HIBCH: variants seen among roughly 807,000 people sequenced by gnomAD.
HIBCH encodes the protein 3-hydroxyisobutyryl-CoA hydrolase.
In HIBCH, 50 loss-of-function variants were observed where a neutral mutation model predicts 58.2. The ratio of observed to expected loss-of-function variants is 0.86; its 90% confidence interval spans 0.68 to 1.09. The LOEUF (loss-of-function observed/expected upper bound fraction) is 1.09, where lower values mean the gene tolerates loss of function less well. Among genes scored for constraint, HIBCH ranks in the 50% least tolerant of loss-of-function variants. HIBCH has a pLI of 0.00. For missense variants in HIBCH, 450 were observed against 449.7 expected (o/e 1.00, Z -0.01); for synonymous variants, 151 against 146.9 (o/e 1.03, Z -0.20).
chr2:190,239,244 T>C (rs760353553), intron 11 of HIBCH, among the ~76,000 whole-genome samples: 1 of 152,230 alleles, frequency 6.6e-6, no homozygotes, highest in South Asian at 2.1e-4. Flanking sequence ...TGATTGTTTT[T>C]GTCAGGTTTG....
In HIBCH at chr2:190,284,727, C is replaced by T. The variant is rs368826258; in HGVS notation, c.438+2859G>A. Among the ~76,000 whole-genome samples the T allele has an allele frequency of 9.9e-5, 15 of 152,202 alleles. No homozygotes were observed. The East Asian group carries it at 1.2e-3, about 12-fold the overall frequency. ...CTAATCACCCCATTTACCTTGATTC[C>T]TTGGCCTGACTACTCACAGTTAGCT... is the stretch of plus-strand genomic sequence containing the variant. On this transcript the variant is annotated intron_variant, in intron 6 of 13. Coordinates refer to ENST00000359678, the MANE Select transcript of HIBCH (RefSeq NM_014362.4).
intron 6 of HIBCH, among the ~76,000 whole-genome samples, chr2:190,271,181 A>G (rs1033669770): frequency 6.6e-6 from 1 of 151,050 alleles, no homozygotes; most frequent in Admixed American, 6.6e-5. Flanking sequence ...TTCTTGCTCC[A>G]CTTTATCCAT....
intron 6 of HIBCH, among the ~76,000 whole-genome samples, chr2:190,272,469 T>C (rs185781716): frequency 6.6e-6 from 1 of 152,238 alleles, no homozygotes; most frequent in East Asian, 1.9e-4. Flanking sequence ...CACGCCTCAA[T>C]AAGAAACAGA....
intron 11 of HIBCH, among the ~76,000 whole-genome samples, chr2:190,228,941 C>T (rs901495364): frequency 1.3e-5 from 2 of 152,116 alleles, no homozygotes; most frequent in African/African-American, 4.8e-5. Flanking sequence ...TAATCACTGC[C>T]CTTTGGGTAA....
intron 11 of HIBCH, among the ~76,000 whole-genome samples, chr2:190,218,300 C>T (rs1178504314): frequency 2.0e-5 from 3 of 152,016 alleles, no homozygotes; most frequent in South Asian, 2.1e-4. Flanking sequence ...GAAAACCAAC[C>T]GTTAAAAAAT....
intron 1 of HIBCH, among the ~76,000 whole-genome samples, chr2:190,314,947 T>C (rs1042410996): frequency 6.6e-6 from 1 of 151,744 alleles, no homozygotes; most frequent in African/African-American, 2.4e-5. Flanking sequence ...CATGCACCTC[T>C]CCGCTCCTTT....
intron 4 of HIBCH, among the ~76,000 whole-genome samples, chr2:190,293,921 G>T (rs73042252): frequency 0.026 from 3,849 of 150,168 alleles, 178 homozygotes; most frequent in African/African-American, 0.09. Context: ...AGACTGACCT[G>T]AACAATTATG....
rs995135881 is a variant in HIBCH, at chr2:190,306,742, T to C, written c.78+4012A>G. Among the ~76,000 whole-genome samples the C allele has an allele frequency of 6.6e-6, 1 of 152,198 alleles. No individual in the cohort carries two copies. The highest frequency in any genetic ancestry group is 6.5e-5 in the Admixed American group (1 of 15,282). On this transcript the variant is annotated intron_variant, in intron 2 of 13. Coordinates refer to ENST00000359678, the MANE Select transcript of HIBCH (RefSeq NM_014362.4). This position sits in a 1 kb window ranked among gnomAD's most constrained non-coding sequence, Gnocchi z 4.6. Reference sequence around the variant, plus strand: ...ACTACAGACTGAATGCTTGCATCCTTCCAAAATTTGTATGTTGAAATCCTA... The same window carrying C: ...ACTACAGACTGAATGCTTGCATCCTCCCAAAATTTGTATGTTGAAATCCTA...
At chr2:190,255,955 C>T (rs1686909571) in intron 7 of HIBCH, among the ~76,000 whole-genome samples, 2 of 151,988 alleles carry the variant, frequency 1.3e-5, no homozygotes, top group Non-Finnish European at 1.5e-5. Context: ...TTCCAAATGG[C>T]TAAGGAGGCC....
intron 6 of HIBCH, chr2:190,280,103 G>A (rs2664247): frequency 6.6e-6 from 1 of 152,082 alleles, no homozygotes; most frequent in Admixed American, 6.6e-5. Flanking sequence ...TTGCGGCACC[G>A]GGGAACAAGG....
intron 1 of HIBCH, among the ~76,000 whole-genome samples, chr2:190,195,573 C>T (rs985789164): frequency 3.9e-5 from 6 of 152,218 alleles, no homozygotes; most frequent in African/African-American, 1.2e-4. Context: ...CGTGAGGTGT[C>T]TGTCCAGATC....
intron 10 of HIBCH, among the ~76,000 whole-genome samples, 181 bp downstream of exon 10, chr2:190,245,973 G>C (rs962373958): frequency 5.6e-5 from 8 of 143,240 alleles, no homozygotes; most frequent in South Asian, 4.4e-4. Flanking sequence ...CTGGGGGATA[G>C]AGCGAGACTC....
intron 7 of HIBCH, among the ~76,000 whole-genome samples, chr2:190,259,365 G>GTGTGTC (rs1305957511): frequency 6.3e-4 from 89 of 141,226 alleles, no homozygotes; most frequent in African/African-American, 1.7e-3. Flanking sequence ...GTGTGTGTGT[G>GTGTGTC]TGTCTGTCTG....
intron 11 of HIBCH, among the ~76,000 whole-genome samples, chr2:190,225,141 G>C (rs1685849569): frequency 1.3e-5 from 2 of 152,120 alleles, no homozygotes; most frequent in Admixed American, 1.3e-4. Context: ...GAAATTTATA[G>C]AACTAAATGC....
At chr2:190,245,001 TGTAA>T (rs756444230) in intron 10 of HIBCH, 33 bp from the exon 11 acceptor site, 1 of 1,274,348 alleles carries the variant, frequency 7.8e-7, no homozygotes, top group South Asian at 1.2e-5. Flanking sequence ...TTCACCAATG[TGTAA>T]GTGATTTCCT....
At chr2:190,233,706 A>C (rs922171047) in intron 11 of HIBCH, among the ~76,000 whole-genome samples, 1 of 152,256 alleles carries the variant, frequency 6.6e-6, no homozygotes, top group Non-Finnish European at 1.5e-5. Flanking sequence ...CAAATTAATC[A>C]TAAAGATTTA....
At chr2:190,232,442 T>C (rs6720060) in intron 11 of HIBCH, among the ~76,000 whole-genome samples, 47,652 of 151,996 alleles carry the variant, frequency 0.31, 8,619 homozygotes, top group African/African-American at 0.48. Flanking sequence ...AAGTCCTGTG[T>C]GCCAAGTCTC....
At position 190,278,632 on chromosome 2, in the gene HIBCH, G is replaced by A. The variant is rs368800106; in HGVS notation, c.438+8954C>T. On this transcript the variant is annotated intron_variant, in intron 6 of 13. Transcript: ENST00000359678. ...ACACACAAGAACCTGTAGAGCAGCA[G>A]TTTTTAACTTTACCTTCACATTGGT... 7.5e-3 allele frequency among the ~76,000 whole-genome samples: 1,026 copies of A among 136,596 alleles called. 13 individuals carry two copies. The highest frequency in any genetic ancestry group is 0.025 in the African/African-American group (933 of 36,758). The allele number at this position is 136,596 out of a possible 152,430, so 89.6% of individuals were successfully genotyped here.
chr2:190,205,643 T>C (rs1005676211), intron 13 of HIBCH, among the ~76,000 whole-genome samples: 11 of 152,156 alleles, frequency 7.2e-5, no homozygotes, highest in Non-Finnish European at 1.6e-4. Flanking sequence ...CTCCTCCACA[T>C]TGAATTTTGG....
Sources: allele counts gnomAD v4.1 joint callset (sites outside exome capture counted in the v4.1 genomes callset), GRCh38; gene constraint gnomAD v4.1.1; non-coding constraint Gnocchi (gnomAD v3.1); transcripts MANE v1.5; gene names NCBI Gene and HGNC (gene_info 2026-07-23, HGNC 2026-07-21).